The following GOLM1 variants were observed in gnomAD, a reference collection of about 807,000 sequenced individuals.
GOLM1 encodes the protein golgi membrane protein 1.
A neutral mutation model predicts 50.5 loss-of-function variants in GOLM1; 31 were observed. That is an observed-to-expected ratio of 0.61 (90% CI 0.46 to 0.83). The LOEUF (loss-of-function observed/expected upper bound fraction) is 0.83. Ranked by LOEUF, GOLM1 falls within the 40% of genes least tolerant of loss-of-function variation. The pLI, the probability that GOLM1 is intolerant of heterozygous loss-of-function variation, is 0.00. For missense variants in GOLM1, 491 were observed against 501.3 expected (o/e 0.98, Z 0.20); for synonymous variants, 178 against 192.8 (o/e 0.92, Z 0.64).
At chr9:86,059,575 T>C (rs995828496) in intron 3 of GOLM1, among the ~76,000 whole-genome samples, 11 of 152,102 alleles carry the variant, frequency 7.2e-5, no homozygotes, top group Admixed American at 2.0e-4. Context: ...GATTGCTTAA[T>C]GGGTACACAT....
chr9:86,052,984 C>T (rs1332583100), intron 3 of GOLM1, among the ~76,000 whole-genome samples: 1 of 141,052 alleles, frequency 7.1e-6, no homozygotes, highest in African/African-American at 3.2e-5. Flanking sequence ...CCAAACCACA[C>T]CACGACACAC....
At chr9:86,052,665 A>C in intron 3 of GOLM1, 74 bp from the exon 4 acceptor site, 7 of 1,294,068 alleles carry the variant, frequency 5.4e-6, no homozygotes, top group Middle Eastern at 1.8e-4. Context: ...GATACAAACC[A>C]ATGATGGGGC....
intron 5 of GOLM1, among the ~76,000 whole-genome samples, chr9:86,042,085 C>G (rs968998829): frequency 2.6e-5 from 4 of 152,168 alleles, no homozygotes; most frequent in South Asian, 2.1e-4. Flanking sequence ...CCACTGCACT[C>G]CAGCCTGGGC....
intron 3 of GOLM1, among the ~76,000 whole-genome samples, chr9:86,060,899 AAAAAAAAAAAAAAAAGAAG>A (rs1834140028): frequency 1.6e-5 from 2 of 123,784 alleles, no homozygotes; most frequent in African/African-American, 8.1e-5. Context: ...AAAAAAAAAA[AAAAAAAAAAAAAAAAGAAG>A]AAGAAGAAGA....
At chr9:86,065,630 G>A (rs917120493) in intron 3 of GOLM1, among the ~76,000 whole-genome samples, 6 of 152,146 alleles carry the variant, frequency 3.9e-5, no homozygotes, top group African/African-American at 1.4e-4. Flanking sequence ...GCAGCCCCAC[G>A]CCGGCCACTC....
At chr9:86,093,073 T>G (rs956321075) in intron 1 of GOLM1, among the ~76,000 whole-genome samples, 1 of 152,188 alleles carries the variant, frequency 6.6e-6, no homozygotes, top group Non-Finnish European at 1.5e-5. Context: ...TGGTGTGTTT[T>G]CACATTAAAA....
Position 86,079,276 on chromosome 9 carries a change from G to C in GOLM1, c.45C>G (p.Pro15=). ...AGGCCACCAGGGCGGCCAGCACGAGGGGCGGCGACTTCATGCTGCGACGCC... is the reference window on the plus strand; with the variant it reads ...AGGCCACCAGGGCGGCCAGCACGAGCGGCGGCGACTTCATGCTGCGACGCC... ...GNGRRSMKSP[P]LVLAALVACI... is the part of the protein sequence containing the mutation. The change falls in exon 2 of 10, where the codon CCC becomes CCG. Residue 15 remains proline (P), a synonymous_variant. Coordinates refer to ENST00000388712, the MANE Select transcript of GOLM1 (RefSeq NM_016548.4). The C allele has an allele frequency of 6.2e-7, 1 of 1,609,552 alleles. No individual in the cohort carries two copies. Among genetic ancestry groups the C allele is most frequent in the East Asian group, 2.2e-5 (1 of 44,738 alleles).
rs144543170 is a variant in GOLM1, at chr9:86,047,656, G to C, written c.365-1084C>G. On this transcript the variant is annotated intron_variant, in intron 4 of 9. Transcript: ENST00000388712. Reference sequence around the variant, plus strand: ...ACTTATCCAACTGTACCCACGAGGGGTAAATGTTCTTGTATATAAACGATA... The same window carrying C: ...ACTTATCCAACTGTACCCACGAGGGCTAAATGTTCTTGTATATAAACGATA... Among the ~76,000 whole-genome samples, 191 of 152,222 alleles carry C rather than the reference G, an allele frequency of 1.3e-3. 1 individual carries two copies. The highest frequency in any genetic ancestry group is 4.5e-3 in the African/African-American group (188 of 41,544).
rs1419757770 is a variant in GOLM1, at chr9:86,093,205, C to T, written c.-22+6206G>A. Among the ~76,000 whole-genome samples, 5 of 152,104 alleles carry T rather than the reference C, an allele frequency of 3.3e-5. No homozygotes were observed. In the South Asian group the frequency reaches 8.3e-4, roughly 25 times the overall value. The stretch of plus-strand genomic sequence containing the variant: ...GGCCAGCCTGGCCAACATATCAAAA[C>T]CCTGTCTCTACTAAAAATACAATTA... On this transcript the variant is annotated intron_variant, in intron 1 of 9. Coordinates refer to ENST00000388712, the MANE Select transcript of GOLM1 (RefSeq NM_016548.4).
Position 86,077,781 on chromosome 9 carries a change from TGTCA to T in GOLM1, c.130-194_130-191del, listed in dbSNP as rs1353619637. ...GGTTTCTTCTGGAAAAAATGGTCTC[TGTCA>T]GTGTAAGTGAAGGAAGGCTCTGTGC... On this transcript the variant is annotated intron_variant, in intron 2 of 9. Coordinates refer to ENST00000388712, the MANE Select transcript of GOLM1 (RefSeq NM_016548.4). 1.4e-5 allele frequency: 8 copies of T among 561,382 alleles called. No homozygotes were observed. In the East Asian group the frequency reaches 2.2e-4, roughly 16 times the overall value. 34.8% of individuals were successfully genotyped at this position (561,382 alleles called of 1,614,324 possible). A position where few individuals can be genotyped will look rare whatever the true frequency, so the allele number is the denominator to read the frequency against.
intron 1 of GOLM1, among the ~76,000 whole-genome samples, chr9:86,082,215 A>G (rs1251090343): frequency 6.6e-6 from 1 of 151,210 alleles, no homozygotes; most frequent in Non-Finnish European, 1.5e-5. Context: ...GTTTTAGTAG[A>G]GACGAAGTTC....
intron 3 of GOLM1, among the ~76,000 whole-genome samples, chr9:86,063,652 G>T (rs1192409603): frequency 1.3e-5 from 2 of 152,140 alleles, no homozygotes; most frequent in African/African-American, 4.8e-5. Context: ...GCCTGTCTTG[G>T]GTTGGGTTAA....
chr9:86,053,116 AC>A (rs950662343), intron 3 of GOLM1, among the ~76,000 whole-genome samples: 17 of 50,468 alleles, frequency 3.4e-4, no homozygotes, highest in African/African-American at 1.3e-3. Flanking sequence ...CACCACACAC[AC>A]CACACCACAC....
Position 86,027,516 on chromosome 9 carries a change from C to T in GOLM1, c.*301G>A. ...AAAGTTATATTCCAGAATCAGGAAGCCCCGCTGTCGCCAACACTTGAAGGA... is the reference window on the plus strand; with the variant it reads ...AAAGTTATATTCCAGAATCAGGAAGTCCCGCTGTCGCCAACACTTGAAGGA... On this transcript the variant is annotated 3_prime_UTR_variant, in exon 10 of 10. Coordinates refer to ENST00000388712, the MANE Select transcript of GOLM1 (RefSeq NM_016548.4). 1 of 1,167,406 alleles carries T rather than the reference C, an allele frequency of 8.6e-7. No homozygotes were observed. The highest frequency in any genetic ancestry group is 5.3e-5 in the East Asian group (1 of 19,046). The allele number at this position is 1,167,406 out of a possible 1,614,324, so 72.3% of individuals were successfully genotyped here. A position where few individuals can be genotyped will look rare whatever the true frequency, so the allele number is the denominator to read the frequency against.
At chr9:86,034,308 G>C (rs1833070602) in intron 8 of GOLM1, among the ~76,000 whole-genome samples, 1 of 152,130 alleles carries the variant, frequency 6.6e-6, no homozygotes, top group Non-Finnish European at 1.5e-5. Flanking sequence ...AGCAGCTCTA[G>C]TCTCTTTCTC....
At chr9:86,038,518 T>C (rs1306627882) in intron 6 of GOLM1, among the ~76,000 whole-genome samples, 6 of 152,162 alleles carry the variant, frequency 3.9e-5, no homozygotes, top group Non-Finnish European at 1.5e-5. Flanking sequence ...CTCCAGCCCA[T>C]TCCAGCCACT....
At position 86,065,058 on chromosome 9, in the gene GOLM1, G is replaced by A. The variant is rs555581673; in HGVS notation, c.309+12354C>T. 3.9e-5 allele frequency among the ~76,000 whole-genome samples: 6 copies of A among 152,320 alleles called. No homozygotes were observed. The East Asian group carries it at 1.2e-3, about 29-fold the overall frequency. ...TGGGCCTGCACTGCAGCAGAACCCC[G>A]CTGGTCTCACGCTCTACGCTGGGCA... On this transcript the variant is annotated intron_variant, in intron 3 of 9. Transcript: ENST00000388712.
At chr9:86,047,728 A>G (rs890123395) in intron 4 of GOLM1, among the ~76,000 whole-genome samples, 21 of 152,230 alleles carry the variant, frequency 1.4e-4, no homozygotes, top group African/African-American at 5.1e-4. Context: ...ACTAGGCAAG[A>G]GATAACGGAA....
intron 6 of GOLM1, among the ~76,000 whole-genome samples, chr9:86,039,706 G>A (rs1027994409): frequency 1.3e-5 from 2 of 152,116 alleles, no homozygotes; most frequent in Admixed American, 6.6e-5. Context: ...GGTGGCTCAC[G>A]CCTGTAATCC....
Sources: gnomAD v4.1 joint callset for allele counts (sites outside exome capture counted in the v4.1 genomes callset) on GRCh38, gnomAD v4.1.1 for gene constraint, MANE v1.5 for transcripts, NCBI Gene and HGNC (gene_info 2026-07-23, HGNC 2026-07-21) for gene names.